The following GABRB1 variants were observed in gnomAD, a reference collection of about 807,000 sequenced individuals.
The protein encoded by GABRB1 is gamma-aminobutyric acid type A receptor subunit beta1.
In GABRB1, 17 loss-of-function variants were observed where a neutral mutation model predicts 51.6. The ratio of observed to expected loss-of-function variants is 0.33; its 90% CI spans 0.23 to 0.49. The LOEUF is 0.49. GABRB1 is among the 20% of genes least tolerant of loss of function. The probability of loss-of-function intolerance (pLI) is 0.99; values close to 1 mark genes in which losing one functional copy is unlikely to be tolerated. For missense variants in GABRB1, 410 were observed against 600.6 expected (o/e 0.68, Z 3.32); for synonymous variants, 247 against 218.9 (o/e 1.13, Z -1.14).
At chr4:47,117,894 A>G (rs1261951754) in intron 3 of GABRB1, among the ~76,000 whole-genome samples, 1 of 152,226 alleles carries the variant, frequency 6.6e-6, no homozygotes, top group East Asian at 1.9e-4. Context: ...AGGGACAATC[A>G]GTGAATGGTC....
At chr4:47,039,159 G>T (rs761114864) in intron 3 of GABRB1, among the ~76,000 whole-genome samples, 3 of 151,776 alleles carry the variant, frequency 2.0e-5, no homozygotes, top group Admixed American at 2.0e-4. Flanking sequence ...ACTGAAAGAT[G>T]CATTTTTTAT....
rs764510481 is a variant in GABRB1, at chr4:47,425,907, C to G, written c.1314C>G (p.Val438=). 5 of 1,614,126 alleles carry G rather than the reference C, an allele frequency of 3.1e-6. No homozygotes were observed. In the Admixed American group the frequency reaches 8.3e-5, roughly 27 times the overall value. Residue 438 remains valine, a synonymous_variant, in exon 9 of 9, where the codon GTC becomes GTG. Transcript: ENST00000295454. ...RIRRRASQLK[V]KIPDLTDVNS... The stretch of plus-strand genomic sequence containing the variant: ...GCAGGCGTGCCTCCCAGCTCAAAGT[C>G]AAGATCCCCGACTTGACTGATGTGA...
At chr4:47,417,656 C>T (rs1293370956) in intron 8 of GABRB1, among the ~76,000 whole-genome samples, 1 of 152,218 alleles carries the variant, frequency 6.6e-6, no homozygotes, top group East Asian at 1.9e-4. Flanking sequence ...AGAGTGTAGG[C>T]TTCTTGAGGA....
intron 5 of GABRB1, among the ~76,000 whole-genome samples, chr4:47,326,519 T>A (rs890229002): frequency 1.3e-5 from 2 of 152,226 alleles, no homozygotes; most frequent in Non-Finnish European, 1.5e-5. Context: ...ATCATAAATA[T>A]GTACATATAG....
intron 5 of GABRB1, among the ~76,000 whole-genome samples, chr4:47,337,540 C>T (rs1725741775): frequency 6.6e-6 from 1 of 151,980 alleles, no homozygotes; most frequent in Non-Finnish European, 1.5e-5. Context: ...CACAGTGGCT[C>T]ACACCTATAA....
At chr4:47,003,115 T>A (rs1223616596) in intron 1 of GABRB1, among the ~76,000 whole-genome samples, 1 of 152,228 alleles carries the variant, frequency 6.6e-6, no homozygotes, top group African/African-American at 2.4e-5. Context: ...ATAAATTCTA[T>A]GTAGCAAATT....
intron 4 of GABRB1, among the ~76,000 whole-genome samples, chr4:47,263,563 C>T (rs772809903): frequency 2.7e-4 from 41 of 152,222 alleles, no homozygotes; most frequent in Non-Finnish European, 5.6e-4. Flanking sequence ...TGGTTAAACA[C>T]AGAGGAGTGA....
At chr4:47,009,331 A>G (rs937357148) in intron 1 of GABRB1, among the ~76,000 whole-genome samples, 3 of 151,896 alleles carry the variant, frequency 2.0e-5, no homozygotes, top group Non-Finnish European at 4.4e-5. Flanking sequence ...AATATATACC[A>G]TTATGTACCC....
chr4:47,186,250 T>C (rs1577983785), intron 4 of GABRB1, among the ~76,000 whole-genome samples: 1 of 151,914 alleles, frequency 6.6e-6, no homozygotes, highest in South Asian at 2.1e-4. Flanking sequence ...ATCTCTCTCT[T>C]GTAATCATTG....
At chr4:47,406,587 A>G (rs1311081472) in intron 7 of GABRB1, 95 bp from the exon 8 acceptor site, 1 of 1,482,408 alleles carries the variant, frequency 6.7e-7, no homozygotes, top group Non-Finnish European at 9.3e-7. Flanking sequence ...CAGGGGCACC[A>G]ATAAGGAAGT....
intron 3 of GABRB1, chr4:47,043,366 G>A (rs959938218): frequency 1.4e-4 from 21 of 152,088 alleles, no homozygotes; most frequent in African/African-American, 4.1e-4. Context: ...ACATTGCTAC[G>A]TAAACAACAT....
In GABRB1 at chr4:47,175,452, T is replaced by A. The variant is rs571515524; in HGVS notation, c.461+13983T>A. Among the ~76,000 whole-genome samples the A allele has an allele frequency of 3.9e-5, 6 of 152,264 alleles. No homozygotes were observed. The East Asian group carries it at 1.2e-3, about 29-fold the overall frequency. On this transcript the variant is annotated intron_variant, in intron 4 of 8. Transcript: ENST00000295454. ...TATTAAGCAAATGGTAAGTGGTTAT[T>A]TACTTATTTTTAAATCTCAACTTAG...
intron 1 of GABRB1, among the ~76,000 whole-genome samples, chr4:47,026,006 T>C (rs772466734): frequency 1.3e-5 from 2 of 152,040 alleles, no homozygotes; most frequent in Non-Finnish European, 1.5e-5. Flanking sequence ...TCAACTCTAT[T>C]GAGGTGTCTT....
chr4:47,077,922 TTA>T (rs1462230228), intron 3 of GABRB1, among the ~76,000 whole-genome samples: 3 of 127,904 alleles, frequency 2.3e-5, no homozygotes, highest in Non-Finnish European at 3.2e-5. Flanking sequence ...ATTATATATT[TTA>T]TATATATTAT....
intron 1 of GABRB1, among the ~76,000 whole-genome samples, chr4:46,998,422 A>G (rs1023302507): frequency 1.3e-5 from 2 of 152,102 alleles, no homozygotes; most frequent in African/African-American, 2.4e-5. Flanking sequence ...TTTGTTTGAA[A>G]GTCTGAAGTT....
chr4:47,388,051 G>C (rs1249430404), intron 5 of GABRB1, among the ~76,000 whole-genome samples: 1 of 152,092 alleles, frequency 6.6e-6, no homozygotes, highest in Non-Finnish European at 1.5e-5. Context: ...TAGCCAACAC[G>C]CATTATAGGC....
chr4:47,353,017 C>A (rs930489028), intron 5 of GABRB1, among the ~76,000 whole-genome samples: 1 of 152,090 alleles, frequency 6.6e-6, no homozygotes, highest in African/African-American at 2.4e-5. Flanking sequence ...ACCTCAGAAT[C>A]GTGGCAGGAG....
intron 4 of GABRB1, among the ~76,000 whole-genome samples, chr4:47,194,808 C>T (rs957364367): frequency 2.0e-5 from 3 of 152,188 alleles, no homozygotes. Context: ...ACATAGTGTA[C>T]TTAGCGTCTA....
intron 4 of GABRB1, among the ~76,000 whole-genome samples, chr4:47,268,019 A>G (rs949833755): frequency 1.3e-5 from 2 of 152,162 alleles, no homozygotes; most frequent in Non-Finnish European, 2.9e-5. Context: ...TCATATTCAA[A>G]GAGGAGGGAA....
Sources: allele counts gnomAD v4.1 joint callset (sites outside exome capture counted in the v4.1 genomes callset), GRCh38; gene constraint gnomAD v4.1.1; transcripts MANE v1.5; gene names NCBI Gene and HGNC (gene_info 2026-07-23, HGNC 2026-07-21).